Variants in HECTD2 observed in about 807,000 individuals in gnomAD.
HECTD2 encodes probable E3 ubiquitin-protein ligase HECTD2.
Under a neutral mutation model 103.2 loss-of-function variants are expected in HECTD2, and 35 were observed. The observed-to-expected ratio is 0.34, with a 90% CI of 0.26 to 0.45. The LOEUF is 0.45. Ranked by LOEUF, HECTD2 falls within the 20% of genes least tolerant of loss-of-function variation. The probability of loss-of-function intolerance (pLI) is 1.00; values close to 1 mark genes in which losing one functional copy is unlikely to be tolerated. For synonymous variants in HECTD2, 281 were observed against 329.9 expected (o/e 0.85, Z 1.61); for missense variants, 596 against 937.4 (o/e 0.64, Z 4.76).
chr10:91,502,711 G>GTTAA (rs1846952729), intron 20 of HECTD2, among the ~76,000 whole-genome samples: 3 of 151,972 alleles, frequency 2.0e-5, no homozygotes, highest in Non-Finnish European at 4.4e-5. Flanking sequence ...CATAACAGAA[G>GTTAA]TTAATTTTTC....
chr10:91,455,781 T>G (rs1845059457), intron 2 of HECTD2, among the ~76,000 whole-genome samples: 1 of 152,192 alleles, frequency 6.6e-6, no homozygotes, highest in African/African-American at 2.4e-5. Flanking sequence ...AGTTTTAGCT[T>G]TCTACATATG....
Position 91,504,922 on chromosome 10 carries a change from G to A in HECTD2, c.2210+3588G>A, listed in dbSNP as rs571560897. ...AAGAGAAGCCCATCAGACTAACAGC[G>A]GATCTCTTGGCAGAAACCCTACAAG... On this transcript the variant is annotated intron_variant, in intron 20 of 20. Coordinates refer to ENST00000298068, the MANE Select transcript of HECTD2 (RefSeq NM_182765.6). Among the ~76,000 whole-genome samples the A allele has an allele frequency of 6.3e-3, 967 of 152,294 alleles. 4 individuals carry two copies. Among genetic ancestry groups the A allele is most frequent in the Admixed American group, 0.011 (166 of 15,298 alleles).
Position 91,500,628 on chromosome 10 carries a change from T to C in HECTD2, c.2066+11T>C. On this transcript the variant is annotated intron_variant, in intron 19 of 20. Transcript: ENST00000298068. ...GGACTTAACTATAAAGTGAGCTCTT[T>C]ATACTTCTGATAGTGGGGGATGTGG... The C allele has an allele frequency of 7.9e-7, 1 of 1,270,392 alleles. No homozygotes were observed. Among genetic ancestry groups the C allele is most frequent in the Non-Finnish European group, 1.2e-6 (1 of 867,388 alleles). 78.7% of individuals were successfully genotyped at this position (1,270,392 alleles called of 1,614,324 possible).
At chr10:91,506,495 C>T (rs1271632736) in intron 20 of HECTD2, among the ~76,000 whole-genome samples, 5 of 151,888 alleles carry the variant, frequency 3.3e-5, no homozygotes, top group Non-Finnish European at 5.9e-5. Flanking sequence ...ACTACAAACA[C>T]CTCTACGCAA....
At chr10:91,409,401 G>C (rs996205733), upstream of HECTD2, 4 of 152,228 alleles carry the variant, frequency 2.6e-5, no homozygotes, top group African/African-American at 9.7e-5. Flanking sequence ...ATTTGATTGA[G>C]GACTGTGCAG....
chr10:91,412,814 T>G (rs899984699), intron 1 of HECTD2, among the ~76,000 whole-genome samples: 5 of 151,870 alleles, frequency 3.3e-5, no homozygotes, highest in South Asian at 4.2e-4. Flanking sequence ...CCAGGAGAAC[T>G]GGGGTGGTGA....
At chr10:91,506,580 G>A (rs1162510516) in intron 20 of HECTD2, among the ~76,000 whole-genome samples, 1 of 152,112 alleles carries the variant, frequency 6.6e-6, no homozygotes, top group East Asian at 1.9e-4. Context: ...CCAGGAAGAA[G>A]TTGAATCTCT....
intron 14 of HECTD2, among the ~76,000 whole-genome samples, chr10:91,495,120 C>T (rs1846620463): frequency 6.6e-6 from 1 of 151,730 alleles, no homozygotes; most frequent in Non-Finnish European, 1.5e-5. Flanking sequence ...AGATATAAAA[C>T]CTATAGAAAG....
intron 2 of HECTD2, among the ~76,000 whole-genome samples, chr10:91,446,274 T>G (rs1589491174): frequency 7.2e-6 from 1 of 139,812 alleles, no homozygotes; most frequent in East Asian, 2.1e-4. Flanking sequence ...AGCAGACCTT[T>G]CCTTCTAACT....
chr10:91,498,416 C>A (rs1175404216), intron 16 of HECTD2, among the ~76,000 whole-genome samples: 2 of 152,152 alleles, frequency 1.3e-5, no homozygotes, highest in Admixed American at 1.3e-4. Context: ...AATTACATAT[C>A]CCCTTGAGTT....
chr10:91,435,570 A>G (rs1844079172), intron 2 of HECTD2, among the ~76,000 whole-genome samples: 1 of 152,024 alleles, frequency 6.6e-6, no homozygotes, highest in South Asian at 2.1e-4. Context: ...TCCAGTCTGT[A>G]TGGAGTGCAG....
At chr10:91,490,658 G>A (rs1199377846) in intron 11 of HECTD2, among the ~76,000 whole-genome samples, 1 of 151,732 alleles carries the variant, frequency 6.6e-6, no homozygotes, top group African/African-American at 2.4e-5. Flanking sequence ...TTGGGAGGCC[G>A]AGGCGGGCGG....
chr10:91,440,394 T>A (rs1589484653), intron 2 of HECTD2, among the ~76,000 whole-genome samples: 1 of 152,174 alleles, frequency 6.6e-6, no homozygotes, highest in African/African-American at 2.4e-5. Context: ...GACTTGTGTA[T>A]GTTCAACTAG....
intron 2 of HECTD2, among the ~76,000 whole-genome samples, chr10:91,449,817 C>G (rs530087772): frequency 2.0e-5 from 3 of 151,458 alleles, no homozygotes; most frequent in South Asian, 2.1e-4. Context: ...ATACAACTTA[C>G]AAAGTATGTG....
At chr10:91,500,774 G>A (rs1278132830) in intron 19 of HECTD2, among the ~76,000 whole-genome samples, 157 bp downstream of exon 19, 1 of 152,096 alleles carries the variant, frequency 6.6e-6, no homozygotes, top group Admixed American at 6.5e-5. Context: ...AAGTCTATGA[G>A]AATTTTAATA....
At chr10:91,450,457 A>C (rs1844761514) in intron 2 of HECTD2, among the ~76,000 whole-genome samples, 1 of 152,198 alleles carries the variant, frequency 6.6e-6, no homozygotes, top group Admixed American at 6.5e-5. Context: ...TTCAGGACAT[A>C]GGCGTGGGCA....
At chr10:91,428,907 A>G (rs1464896902) in intron 2 of HECTD2, among the ~76,000 whole-genome samples, 2 of 151,856 alleles carry the variant, frequency 1.3e-5, no homozygotes, top group Non-Finnish European at 2.9e-5. Context: ...AGAACTTCCA[A>G]CACTATGTTG....
intron 6 of HECTD2, among the ~76,000 whole-genome samples, chr10:91,480,348 A>G (rs1846047816): frequency 6.6e-6 from 1 of 152,134 alleles, no homozygotes; most frequent in Admixed American, 6.5e-5. Flanking sequence ...AGCAGGCAAG[A>G]AAGAAACACT....
At chr10:91,498,297 C>A in intron 16 of HECTD2, 115 bp downstream of exon 16, 1 of 710,396 alleles carries the variant, frequency 1.4e-6, no homozygotes, top group Non-Finnish European at 2.5e-6. Flanking sequence ...CCAATACATA[C>A]AATCCTCTGT....
Sources: allele counts gnomAD v4.1 joint callset (sites outside exome capture counted in the v4.1 genomes callset), GRCh38; gene constraint gnomAD v4.1.1; transcripts MANE v1.5; gene names NCBI Gene and HGNC (gene_info 2026-07-23, HGNC 2026-07-21).